Variants in SGCD observed in about 807,000 individuals in gnomAD.
The protein encoded by SGCD is delta-sarcoglycan.
Under a neutral mutation model 36.6 loss-of-function variants are expected in SGCD, and 18 were observed. That is an observed-to-expected ratio of 0.49 (90% CI 0.34 to 0.73). SGCD has a LOEUF of 0.73. Ranked by LOEUF, SGCD falls within the 30% of genes least tolerant of loss-of-function variation. SGCD has a pLI of 0.01. For synonymous variants in SGCD, 133 were observed against 130.6 expected (o/e 1.02, Z -0.12); for missense variants, 387 against 346.7 (o/e 1.12, Z -0.92).
chr5:156,607,561 C>A (rs1348119799), intron 6 of SGCD, among the ~76,000 whole-genome samples: 3 of 152,250 alleles, frequency 2.0e-5, no homozygotes, highest in Admixed American at 6.5e-5. Context: ...CTGGACTCAT[C>A]AAATGAGTTA....
rs1431845004 is a variant in SGCD, at chr5:156,329,573, G to A, written c.-4G>A. 4.3e-6 allele frequency: 7 copies of A among 1,613,048 alleles called. No individual in the cohort carries two copies. In the African/African-American group the frequency reaches 8.0e-5, roughly 18 times the overall value. On this transcript the variant is annotated 5_prime_UTR_variant, in exon 2 of 9. Transcript: ENST00000337851. ...GGAGTGTTGAGTGAAGGGACCAGGT[G>A]GAGATGGTGAGTAATTCCCGGGAGC... is the stretch of plus-strand genomic sequence containing the variant.
intron 1 of SGCD, among the ~76,000 whole-genome samples, chr5:155,877,327 CTT>C (rs1319814683): frequency 3.3e-5 from 5 of 152,228 alleles, no homozygotes; most frequent in South Asian, 2.1e-4. Context: ...TCATGGCCAA[CTT>C]AAATGAGTGT....
In SGCD at chr5:156,128,302, C is replaced by T. The variant is rs1039386882; in HGVS notation, c.-44+4283C>T. ...ATTACTGGTAGAATTGTGTAATGTT[C>T]CAATCACTTTGAAAACCAATTTGGC... On this transcript the variant is annotated intron_variant, in intron 3 of 9. Transcript: ENST00000517913. Among the ~76,000 whole-genome samples, 3 of 152,252 alleles carry T rather than the reference C, an allele frequency of 2.0e-5. No individual in the cohort carries two copies. The East Asian group carries it at 5.8e-4, about 29-fold the overall frequency.
intron 3 of SGCD, among the ~76,000 whole-genome samples, chr5:156,165,234 A>T (rs1763185001): frequency 6.6e-6 from 1 of 152,194 alleles, no homozygotes; most frequent in Non-Finnish European, 1.5e-5. Context: ...ATGGTTTGCA[A>T]AAAAAGGGAG....
At chr5:155,889,019 G>T (rs903077767) in intron 1 of SGCD, among the ~76,000 whole-genome samples, 2 of 152,058 alleles carry the variant, frequency 1.3e-5, no homozygotes, top group South Asian at 2.1e-4. Context: ...TTCTCTCTAC[G>T]CTCATAACAC....
chr5:156,668,353 A>T (rs893724035), intron 7 of SGCD, among the ~76,000 whole-genome samples: 3 of 151,954 alleles, frequency 2.0e-5, no homozygotes, highest in African/African-American at 4.8e-5. Flanking sequence ...TTTCCCTATT[A>T]GTATCGTACT....
At chr5:155,756,079 A>C in the SGCD span, among the ~76,000 whole-genome samples, 1 of 152,240 alleles carries the variant, frequency 6.6e-6, no homozygotes, top group Non-Finnish European at 1.5e-5. Context: ...ACATGGGTTC[A>C]GGTGTTCCCT....
chr5:156,385,115 T>C (rs1308366542), intron 3 of SGCD, among the ~76,000 whole-genome samples: 2 of 152,070 alleles, frequency 1.3e-5, no homozygotes, highest in Non-Finnish European at 2.9e-5. Flanking sequence ...TTAGATGGAG[T>C]GAAGTGCAGT....
At chr5:156,567,793 A>T (rs766393680) in intron 4 of SGCD, among the ~76,000 whole-genome samples, 2 of 149,324 alleles carry the variant, frequency 1.3e-5, no homozygotes, top group Non-Finnish European at 2.9e-5. Context: ...AAATATAATA[A>T]TCTCCAAAAA....
chr5:156,324,948 T>C (rs1767769069), upstream of SGCD, among the ~76,000 whole-genome samples: 1 of 152,208 alleles, frequency 6.6e-6, no homozygotes, highest in Non-Finnish European at 1.5e-5. Flanking sequence ...TTATTGTTAA[T>C]TTAGGACGTT....
chr5:156,406,319 C>G (rs939071963), intron 3 of SGCD, among the ~76,000 whole-genome samples: 1 of 152,126 alleles, frequency 6.6e-6, no homozygotes, highest in Non-Finnish European at 1.5e-5. Context: ...TCCAGCGTCT[C>G]TGTGTGTCAC....
intron 2 of SGCD, among the ~76,000 whole-genome samples, chr5:156,123,095 G>A (rs1226498872): frequency 1.3e-5 from 2 of 152,068 alleles, no homozygotes; most frequent in Non-Finnish European, 2.9e-5. Context: ...TGGTGGTGCT[G>A]ATGACTAAGT....
At chr5:156,643,277 C>T (rs1398995321) in intron 6 of SGCD, among the ~76,000 whole-genome samples, 1 of 152,026 alleles carries the variant, frequency 6.6e-6, no homozygotes, top group African/African-American at 2.4e-5. Flanking sequence ...GGTGATCCGC[C>T]CACCTTGGCC....
chr5:155,831,062 G>T, the SGCD span, among the ~76,000 whole-genome samples: 2 of 152,292 alleles, frequency 1.3e-5, no homozygotes, highest in East Asian at 3.9e-4. Context: ...AGGTTGTGCA[G>T]ATAGGGAAAT....
chr5:156,290,732 T>G (rs929197853), intron 3 of SGCD, among the ~76,000 whole-genome samples: 20 of 152,180 alleles, frequency 1.3e-4, no homozygotes, highest in African/African-American at 4.3e-4. Flanking sequence ...CTCTTCTCTA[T>G]CCATATGATT....
At chr5:155,925,592 G>T (rs1397963890) in intron 1 of SGCD, among the ~76,000 whole-genome samples, 1 of 151,980 alleles carries the variant, frequency 6.6e-6, no homozygotes, top group East Asian at 1.9e-4. Context: ...CATTTTGTTT[G>T]TGTCACAACT....
At chr5:156,081,909 T>C (rs1760964565) in intron 1 of SGCD, among the ~76,000 whole-genome samples, 1 of 152,118 alleles carries the variant, frequency 6.6e-6, no homozygotes. Flanking sequence ...TATATGTCCT[T>C]CTTCTTACGG....
intron 1 of SGCD, among the ~76,000 whole-genome samples, chr5:155,911,866 A>G (rs1289575447): frequency 6.6e-6 from 1 of 152,054 alleles, no homozygotes; most frequent in Non-Finnish European, 1.5e-5. Flanking sequence ...TGTACACTGC[A>G]TCTCACAGGA....
chr5:156,740,363 C>G (rs2113076571), intron 7 of SGCD, among the ~76,000 whole-genome samples: 1 of 152,304 alleles, frequency 6.6e-6, no homozygotes, highest in Non-Finnish European at 1.5e-5. Flanking sequence ...CTTGAAGATT[C>G]AACGAGTGCT....
Sources: allele counts gnomAD v4.1 joint callset (sites outside exome capture counted in the v4.1 genomes callset), GRCh38; gene constraint gnomAD v4.1.1; transcripts MANE v1.5; gene names NCBI Gene and HGNC (gene_info 2026-07-23, HGNC 2026-07-21).